The following SDHAF4 variants were observed in gnomAD, a reference collection of about 807,000 sequenced individuals.
SDHAF4 encodes the protein succinate dehydrogenase assembly factor 4, mitochondrial.
SDHAF4 carries 14 observed loss-of-function variants against 14.3 expected under a neutral mutation model. That is an observed-to-expected ratio of 0.98 (90% CI 0.65 to 1.53). The LOEUF (loss-of-function observed/expected upper bound fraction) is 1.53. SDHAF4 is among the 40% of genes most tolerant of loss of function. SDHAF4 has a pLI of 0.00. For missense variants in SDHAF4, 141 were observed against 129.3 expected (o/e 1.09, Z -0.44); for synonymous variants, 63 against 47.3 (o/e 1.33, Z -1.36).
intron 1 of SDHAF4, among the ~76,000 whole-genome samples, chr6:70,575,848 G>A (rs897591601): frequency 3.9e-5 from 6 of 152,140 alleles, no homozygotes; most frequent in Non-Finnish European, 8.8e-5. Flanking sequence ...ACCACCCCTT[G>A]AAGTAGAAGA....
At chr6:70,596,441 A>C in the SDHAF4 span, 1 of 152,100 alleles carries the variant, frequency 6.6e-6, no homozygotes, top group Non-Finnish European at 1.5e-5. Context: ...CAGGTGTCAA[A>C]CCCTACCTAC....
intron 1 of SDHAF4, among the ~76,000 whole-genome samples, chr6:70,574,501 T>G (rs891395098): frequency 2.0e-5 from 3 of 152,166 alleles, no homozygotes; most frequent in African/African-American, 7.2e-5. Flanking sequence ...TTAACTGTCT[T>G]TCTTCTAGTT....
intron 1 of SDHAF4, 136 bp downstream of exon 1, chr6:70,567,140 C>A: frequency 1.2e-6 from 1 of 841,276 alleles, no homozygotes; most frequent in Non-Finnish European, 1.8e-6. Flanking sequence ...GCTTCTCCCG[C>A]CCAGCCGCCC....
At chr6:70,591,822 G>T (rs9455177), downstream of SDHAF4, among the ~76,000 whole-genome samples, 32,632 of 152,176 alleles carry the variant, frequency 0.21, 3,885 homozygotes, top group African/African-American at 0.31. Context: ...AACTTATGTT[G>T]AAACTTAATC....
At chr6:70,574,347 T>C (rs551547990) in intron 1 of SDHAF4, among the ~76,000 whole-genome samples, 1 of 150,864 alleles carries the variant, frequency 6.6e-6, no homozygotes, top group East Asian at 2.0e-4. Context: ...AAAAAGATGC[T>C]TAGGGATTTT....
chr6:70,579,518 C>G lies in SDHAF4; in HGVS notation c.169C>G (p.Arg57Gly). 1.2e-6 allele frequency: 2 copies of G among 1,610,694 alleles called. No homozygotes were observed. The highest frequency in any genetic ancestry group is 1.7e-6 in the Non-Finnish European group (2 of 1,178,220). Residue 57 changes from arginine to glycine, a missense_variant, in exon 2 of 3, where the codon CGT (arginine) becomes GGT (glycine). Transcript: ENST00000370474. ...TAAGAAGCCGAAGTTACCAGAAGGT[C>G]GTTTTGATGCACCAGAGGATTCCCA... ...SLKKPKLPEG[R>G]FDAPEDSHLE...
chr6:70,573,509 C>G (rs1312165517), intron 1 of SDHAF4, among the ~76,000 whole-genome samples: 1 of 151,786 alleles, frequency 6.6e-6, no homozygotes, highest in Non-Finnish European at 1.5e-5. Flanking sequence ...GGTGATCCAC[C>G]TGCCTCAGCC....
rs116890525 is a variant in SDHAF4, at chr6:70,585,237, T to C, written c.218-3378T>C. Among the ~76,000 whole-genome samples, 1,080 of 152,360 alleles carry C rather than the reference T, an allele frequency of 7.1e-3. 6 individuals are homozygous for C. Among genetic ancestry groups the C allele is most frequent in the Admixed American group, 0.013 (200 of 15,302 alleles). On this transcript the variant is annotated intron_variant, in intron 2 of 2. Transcript: ENST00000370474. The stretch of plus-strand genomic sequence containing the variant: ...TAACTCTTTAAGAGATGGAACTGTT[T>C]TACACTTTGTGTTATTTACATGACT...
chr6:70,575,717 G>A (rs1802245932), intron 1 of SDHAF4, among the ~76,000 whole-genome samples: 1 of 135,172 alleles, frequency 7.4e-6, no homozygotes, highest in African/African-American at 3.5e-5. Context: ...ATATGTGTGT[G>A]TGTGTGTGTG....
Position 70,588,842 on chromosome 6 carries a change from A to AATATATATATAGATATATATAT in SDHAF4, c.*129_*130insGATATATATATATATATATATA. 5.9e-6 allele frequency: 2 copies of AATATATATATAGATATATATAT among 339,216 alleles called. No individual in the cohort carries two copies. The highest frequency in any genetic ancestry group is 3.9e-5 in the East Asian group (1 of 25,682). The allele number at this position is 339,216 out of a possible 1,614,324, so 21.0% of individuals were successfully genotyped here. On this transcript the variant is annotated 3_prime_UTR_variant, in exon 3 of 3. Transcript: ENST00000370474. ...TCGTGTAGTTTGTATAATGTGTTTA[A>AATATATATATAGATATATATAT]ATATATATATATATGATGGCTTTGG...
chr6:70,585,043 G>A (rs1765179951), intron 2 of SDHAF4, among the ~76,000 whole-genome samples: 1 of 152,160 alleles, frequency 6.6e-6, no homozygotes, highest in Admixed American at 6.5e-5. Context: ...TGAGAGGCTG[G>A]AAATAGCAGT....
rs544630507 is a variant in SDHAF4 at position 70,587,241 on chromosome 6, G to A, written c.218-1374G>A. 2.3e-4 allele frequency among the ~76,000 whole-genome samples: 35 copies of A among 151,624 alleles called. 1 individual carries two copies. The South Asian group carries it at 7.3e-3, about 32-fold the overall frequency. The stretch of plus-strand genomic sequence containing the variant: ...GCAGTGGCTCACGCCTGTAATCCCA[G>A]CACTTTGGGAGGCCAAGGTGGGTGG... On this transcript the variant is annotated intron_variant, in intron 2 of 2. Coordinates refer to ENST00000370474, the MANE Select transcript of SDHAF4 (RefSeq NM_145267.3).
rs1198871063 is a variant in SDHAF4 at position 70,580,095 on chromosome 6, A to ATG, written c.217+543_217+544dup. ...ACAAATATATGTGTATATTATATGTATGTGTGTGTGTGTGTAGAACTCCAG... is the reference window on the plus strand; with the variant it reads ...ACAAATATATGTGTATATTATATGTATGTGTGTGTGTGTGTGTAGAACTCCAG... On this transcript the variant is annotated intron_variant, in intron 2 of 2. Transcript: ENST00000370474. 3.4e-3 allele frequency among the ~76,000 whole-genome samples: 522 copies of ATG among 151,516 alleles called. 1 individual carries two copies. Among genetic ancestry groups the ATG allele is most frequent in the African/African-American group, 0.011 (440 of 41,434 alleles).
chr6:70,571,720 G>A (rs1030801678), intron 1 of SDHAF4, among the ~76,000 whole-genome samples: 1 of 152,120 alleles, frequency 6.6e-6, no homozygotes, highest in Admixed American at 6.6e-5. Context: ...GGAATTATTT[G>A]TTCCTTGAGG....
chr6:70,574,453 C>T (rs558783525), intron 1 of SDHAF4, among the ~76,000 whole-genome samples: 1 of 152,172 alleles, frequency 6.6e-6, no homozygotes, highest in East Asian at 1.9e-4. Flanking sequence ...TTCACATCTT[C>T]ACTCAGAACC....
chr6:70,568,962 CTTTTTTTTTTTTTT>C (rs5877254), intron 1 of SDHAF4, among the ~76,000 whole-genome samples: 1 of 98,002 alleles, frequency 1.0e-5, no homozygotes, highest in Non-Finnish European at 1.9e-5. Context: ...TTTCTTTTTT[CTTTTTTTTTTTTTT>C]TTTTTTTGAG....
chr6:70,573,989 C>G (rs1052784492), intron 1 of SDHAF4, among the ~76,000 whole-genome samples: 1 of 151,252 alleles, frequency 6.6e-6, no homozygotes, highest in Admixed American at 6.6e-5. Flanking sequence ...AAAAAACTTG[C>G]AAAGCCAAAA....
chr6:70,583,616 C>T (rs976982021), intron 2 of SDHAF4, among the ~76,000 whole-genome samples: 2 of 152,124 alleles, frequency 1.3e-5, no homozygotes, highest in Non-Finnish European at 2.9e-5. Flanking sequence ...CCCTGGGTCA[C>T]ATTGGAGGAA....
At position 70,588,659 on chromosome 6, in the gene SDHAF4, C is replaced by A; in HGVS notation, c.262C>A (p.Pro88Thr). The A allele has an allele frequency of 6.2e-7, 1 of 1,601,368 alleles. No homozygotes were observed. The highest frequency in any genetic ancestry group is 8.5e-7 in the Non-Finnish European group (1 of 1,171,782). ...TCCAGTGACCAAAGAAAAAGGTGGA[C>A]CCAGGGGCCCAGAACCTACCCGATA... is the stretch of plus-strand genomic sequence containing the variant. ...VNPVTKEKGG[P>T]RGPEPTRYGD... The change falls in exon 3 of 3, where the codon CCC (proline) becomes ACC (threonine). Residue 88 changes from proline to threonine, a missense_variant. By Grantham distance (38) the Pro-to-Thr change is conservative. Transcript: ENST00000370474.
Sources: gnomAD v4.1 joint callset for allele counts (sites outside exome capture counted in the v4.1 genomes callset) on GRCh38, gnomAD v4.1.1 for gene constraint, MANE v1.5 for transcripts, NCBI Gene and HGNC (gene_info 2026-07-23, HGNC 2026-07-21) for gene names.